Variants in PTGIS observed in about 807,000 individuals in gnomAD.
PTGIS encodes prostacyclin synthase.
PTGIS carries 45 observed loss-of-function variants against 50.3 expected under a neutral mutation model. That is an observed-to-expected ratio of 0.90 (90% CI 0.70 to 1.15). The LOEUF is 1.15. Among genes scored for constraint, PTGIS ranks in the 50% most tolerant of loss-of-function variants. The pLI is 0.00. For synonymous variants in PTGIS, 260 were observed against 267.7 expected (o/e 0.97, Z 0.28); for missense variants, 668 against 661.3 (o/e 1.01, Z -0.11).
At chr20:49,510,553 C>A (rs1298780820) in intron 9 of PTGIS, among the ~76,000 whole-genome samples, 1 of 152,084 alleles carries the variant, frequency 6.6e-6, no homozygotes, top group Non-Finnish European at 1.5e-5. Context: ...GATGTCATAA[C>A]CCCTGGTCCA....
chr20:49,523,147 A>C, intron 6 of PTGIS, among the ~76,000 whole-genome samples: 1 of 152,252 alleles, frequency 6.6e-6, no homozygotes, highest in South Asian at 2.1e-4. Context: ...ACAACTGGCA[A>C]AACTGGAATA....
chr20:49,534,675 C>T (rs1982026392), intron 5 of PTGIS, among the ~76,000 whole-genome samples: 1 of 152,202 alleles, frequency 6.6e-6, no homozygotes, highest in African/African-American at 2.4e-5. Context: ...CAAGTGATCT[C>T]ACCTCTCTGA....
Position 49,545,810 on chromosome 20 carries a change from A to C in PTGIS, c.378-1362T>G, listed in dbSNP as rs372067901. 5.3e-5 allele frequency among the ~76,000 whole-genome samples: 8 copies of C among 151,782 alleles called. No homozygotes were observed. The South Asian group carries it at 1.7e-3, about 32-fold the overall frequency. On this transcript the variant is annotated intron_variant, in intron 3 of 9. Coordinates refer to ENST00000244043, the MANE Select transcript of PTGIS (RefSeq NM_000961.4). ...GCAACAAGAACAGTGGGAGAGTGCC[A>C]ATCAGGGCCCTGATCTGTCATGCCT...
intron 3 of PTGIS, among the ~76,000 whole-genome samples, chr20:49,544,715 G>A (rs1029851762): frequency 2.6e-5 from 4 of 152,188 alleles, no homozygotes; most frequent in Non-Finnish European, 5.9e-5. Flanking sequence ...TTTTACAGAT[G>A]GAGAAACTCA....
chr20:49,522,014 A>G (rs1981664368), intron 6 of PTGIS, among the ~76,000 whole-genome samples: 1 of 151,582 alleles, frequency 6.6e-6, no homozygotes, highest in South Asian at 2.1e-4. Flanking sequence ...TGCCCCCAAG[A>G]TCCTGTCCCT....
chr20:49,557,789 A>G (rs947867850), intron 1 of PTGIS, among the ~76,000 whole-genome samples: 2 of 152,188 alleles, frequency 1.3e-5, no homozygotes, highest in South Asian at 2.1e-4. Context: ...TATTTTATGT[A>G]AAGTGCTGAT....
In PTGIS at chr20:49,550,128, A is replaced by C. The variant is rs1982468572; in HGVS notation, c.136T>G (p.Phe46Val). ...AGGAAGCTGGCAGCATCTTTTCCAA[A>C]GTCCAAGGCATACCCCAACCAGGGG... ...SIPWLGYALD[F>V]GKDAASFLTR... is the part of the protein sequence containing the mutation. Residue 46 changes from phenylalanine (F) to valine (V), a missense_variant, in exon 2 of 10, where the codon TTT (phenylalanine) becomes GTT (valine). Transcript: ENST00000244043. The C allele has an allele frequency of 6.2e-7, 1 of 1,614,164 alleles. No individual in the cohort carries two copies.
At position 49,511,079 on chromosome 20, in the gene PTGIS, G is replaced by C; in HGVS notation, c.1307C>G (p.Ala436Gly). ...CCTCCCCAGGCAGTGATTGTGCCCC[G>C]CCCCCCAGGGCATGTTGTAATTCTT... Reference protein sequence around the residue: ...RLKNYNMPWGAGHNHCLGRSY... With the variant: ...RLKNYNMPWGGGHNHCLGRSY... The change falls in exon 9 of 10, where the codon GCG becomes GGG. Residue 436 changes from alanine to glycine, a missense_variant. Transcript: ENST00000244043. The C allele has an allele frequency of 1.9e-6, 3 of 1,613,980 alleles. No homozygotes were observed. The African/African-American group carries it at 4.0e-5, about 22-fold the overall frequency.
chr20:49,513,047 G>C (rs1449714181), intron 8 of PTGIS, 33 bp downstream of exon 8: 8 of 1,612,852 alleles, frequency 5.0e-6, no homozygotes, highest in Non-Finnish European at 5.9e-6. Flanking sequence ...TTCTCCCACA[G>C]ACCCCATATG....
chr20:49,510,696 G>C (rs938110434), intron 9 of PTGIS, among the ~76,000 whole-genome samples: 1 of 152,156 alleles, frequency 6.6e-6, no homozygotes, highest in Non-Finnish European at 1.5e-5. Flanking sequence ...ATGAAGTTCT[G>C]AACATGCGGC....
chr20:49,544,554 T>C (rs1291725504), intron 3 of PTGIS, 106 bp from the exon 4 acceptor site: 10 of 1,306,382 alleles, frequency 7.7e-6, no homozygotes, highest in Admixed American at 1.7e-5. Flanking sequence ...AAGCTCCCCA[T>C]TGGCAAAGAG....
chr20:49,550,765 CTTTTCTGGAG>C (rs1281537468), intron 1 of PTGIS, among the ~76,000 whole-genome samples: 1 of 152,178 alleles, frequency 6.6e-6, no homozygotes, highest in Non-Finnish European at 1.5e-5. Flanking sequence ...TGTACAACTC[CTTTTCTGGAG>C]TATTACTTGC....
chr20:49,544,169 T>C (rs1018008785), intron 4 of PTGIS, 136 bp downstream of exon 4: 1 of 1,204,628 alleles, frequency 8.3e-7, no homozygotes, highest in South Asian at 1.5e-5. Flanking sequence ...GCGTCTTTCC[T>C]ACAGTCTTTG....
chr20:49,539,978 G>T (rs868006024), intron 4 of PTGIS, among the ~76,000 whole-genome samples: 1 of 152,220 alleles, frequency 6.6e-6, no homozygotes, highest in African/African-American at 2.4e-5. Context: ...CTGGTGCCCC[G>T]CGGCACTGTC....
At chr20:49,511,304 T>C in intron 8 of PTGIS, 125 bp from the exon 9 acceptor site, 1 of 1,095,276 alleles carries the variant, frequency 9.1e-7, no homozygotes. Context: ...CATATACAGG[T>C]CAATTGATAG....
At chr20:49,514,761 A>G (rs980178420) in intron 6 of PTGIS, among the ~76,000 whole-genome samples, 1 of 152,164 alleles carries the variant, frequency 6.6e-6, no homozygotes, top group Non-Finnish European at 1.5e-5. Context: ...TTCTTCCCCA[A>G]TCGCAGAATC....
intron 3 of PTGIS, among the ~76,000 whole-genome samples, chr20:49,547,605 C>CCAAACAAACAAA (rs113839455): frequency 0.014 from 1,954 of 144,588 alleles, 49 homozygotes; most frequent in African/African-American, 0.046. Context: ...AGGGCTGCCT[C>CCAAACAAACAAA]CAAACAAACA....
At position 49,511,046 on chromosome 20, in the gene PTGIS, G is replaced by A. The variant is rs747383414; in HGVS notation, c.1340C>T (p.Ala447Val). The A allele has an allele frequency of 4.2e-5, 68 of 1,613,444 alleles. No homozygotes were observed. The highest frequency in any genetic ancestry group is 8.9e-5 in the East Asian group (4 of 44,896). Reference sequence around the variant, plus strand: ...CACTCACTGTTTGATGCTGTTGACCGCATAACTCCTCCCCAGGCAGTGATT... The same window carrying A: ...CACTCACTGTTTGATGCTGTTGACCACATAACTCCTCCCCAGGCAGTGATT... ...GHNHCLGRSY[A>V]VNSIKQFVFL... The change falls in exon 9 of 10, where the codon GCG (alanine) becomes GTG (valine). Residue 447 changes from alanine to valine, a missense_variant. By Grantham distance (64) the Ala-to-Val change is moderately conservative. Transcript: ENST00000244043.
At chr20:49,514,470 G>T (rs1981421757) in intron 6 of PTGIS, 75 bp from the exon 7 acceptor site, 11 of 1,548,384 alleles carry the variant, frequency 7.1e-6, no homozygotes, top group Non-Finnish European at 9.6e-6. Flanking sequence ...CACAGCTCGG[G>T]CCAAGACAGA....
Sources: allele counts gnomAD v4.1 joint callset (sites outside exome capture counted in the v4.1 genomes callset), GRCh38; gene constraint gnomAD v4.1.1; transcripts MANE v1.5; gene names NCBI Gene and HGNC (gene_info 2026-07-23, HGNC 2026-07-21).